The following BSPRY variants were observed in gnomAD, a reference collection of about 807,000 sequenced individuals.
The protein encoded by BSPRY is B-box and SPRY domain containing.
In BSPRY, 33 loss-of-function variants were observed where a neutral mutation model predicts 38.0. The observed-to-expected ratio is 0.87, with a 90% CI of 0.66 to 1.16. The LOEUF (loss-of-function observed/expected upper bound fraction) is 1.16. Ranked by LOEUF, BSPRY falls within the 50% of genes most tolerant of loss-of-function variation. The pLI, the probability that BSPRY is intolerant of heterozygous loss-of-function variation, is 0.00. For missense variants in BSPRY, 523 were observed against 533.2 expected (o/e 0.98, Z 0.19); for synonymous variants, 224 against 228.5 (o/e 0.98, Z 0.18).
rs1278527598 is a variant in BSPRY, at chr9:113,352,365, G to C, written c.202-1875G>C. Reference sequence around the variant, plus strand: ...TAAACAAACACATAATATATAGTCAGAGAGTTATAAGTGCAAGGGAGAAAA... The same window carrying C: ...TAAACAAACACATAATATATAGTCACAGAGTTATAAGTGCAAGGGAGAAAA... On this transcript the variant is annotated intron_variant, in intron 1 of 5. Transcript: ENST00000374183. 2.0e-5 allele frequency among the ~76,000 whole-genome samples: 3 copies of C among 152,202 alleles called. No homozygotes were observed. In the East Asian group the frequency reaches 5.8e-4, roughly 29 times the overall value.
In BSPRY at chr9:113,365,802, C is replaced by CTTTTTT. The variant is rs139762130; in HGVS notation, c.558-2442_558-2437dup. Among the ~76,000 whole-genome samples the CTTTTTT allele has an allele frequency of 4.7e-5, 5 of 106,732 alleles. 1 individual carries two copies. Among genetic ancestry groups the CTTTTTT allele is most frequent in the African/African-American group, 7.3e-5 (2 of 27,276 alleles). 70.0% of individuals were successfully genotyped at this position (106,732 alleles called of 152,430 possible). ...GATGCATGAGTTTGTGTCACAGCTT[C>CTTTTTT]TTTTTTTTTTTTTTTTTTTTGAGAT... On this transcript the variant is annotated intron_variant, in intron 4 of 5. Transcript: ENST00000374183.
chr9:113,367,009 G>C (rs1322345339), intron 4 of BSPRY, among the ~76,000 whole-genome samples: 1 of 152,184 alleles, frequency 6.6e-6, no homozygotes, highest in Admixed American at 6.5e-5. Context: ...CAGCACCTAG[G>C]TCAAAAGGCT....
intron 4 of BSPRY, among the ~76,000 whole-genome samples, chr9:113,364,098 A>T (rs1834204401): frequency 6.6e-6 from 1 of 151,842 alleles, no homozygotes; most frequent in South Asian, 2.1e-4. Context: ...AGGCAAGAGG[A>T]TCACTTGAGC....
chr9:113,351,149 G>T (rs1236861559), intron 1 of BSPRY, among the ~76,000 whole-genome samples: 3 of 152,142 alleles, frequency 2.0e-5, no homozygotes, highest in Non-Finnish European at 4.4e-5. Flanking sequence ...GGATTTGAGT[G>T]GTGGAAAGAG....
At chr9:113,365,250 C>A (rs35656416) in intron 4 of BSPRY, among the ~76,000 whole-genome samples, 14,876 of 152,008 alleles carry the variant, frequency 0.098, 993 homozygotes, top group East Asian at 0.22. Flanking sequence ...GCATATATAT[C>A]CTGTGTCCCT....
intron 2 of BSPRY, among the ~76,000 whole-genome samples, chr9:113,355,259 T>C (rs1834039333): frequency 6.6e-6 from 1 of 152,204 alleles, no homozygotes; most frequent in South Asian, 2.1e-4. Context: ...TTTCTGCATA[T>C]CCCCTCCCTC....
chr9:113,358,566 C>T (rs1301531021), intron 2 of BSPRY, among the ~76,000 whole-genome samples: 5 of 152,138 alleles, frequency 3.3e-5, no homozygotes, highest in African/African-American at 1.2e-4. Context: ...CCGTGTCCAG[C>T]CACAACCACA....
At chr9:113,356,666 T>C (rs1295020817) in intron 2 of BSPRY, among the ~76,000 whole-genome samples, 1 of 152,190 alleles carries the variant, frequency 6.6e-6, no homozygotes, top group East Asian at 1.9e-4. Context: ...GAGAAGTGGC[T>C]AGATTCTGCA....
intron 4 of BSPRY, among the ~76,000 whole-genome samples, chr9:113,368,021 G>A (rs536674241): frequency 1.3e-5 from 2 of 152,134 alleles, no homozygotes; most frequent in Admixed American, 1.3e-4. Flanking sequence ...TGTAGAGATG[G>A]AGTCTTATTA....
chr9:113,357,488 G>T (rs1834078383), intron 2 of BSPRY, among the ~76,000 whole-genome samples: 1 of 152,130 alleles, frequency 6.6e-6, no homozygotes, highest in Non-Finnish European at 1.5e-5. Context: ...ATTAGTCTAT[G>T]AATTTCATTT....
chr9:113,356,637 C>A (rs935647207), intron 2 of BSPRY, among the ~76,000 whole-genome samples: 2 of 152,142 alleles, frequency 1.3e-5, no homozygotes, highest in East Asian at 3.8e-4. Flanking sequence ...TGGACCCAAG[C>A]AATGGTGGCA....
chr9:113,361,166 C>A (rs999185253), intron 3 of BSPRY, among the ~76,000 whole-genome samples: 2 of 152,158 alleles, frequency 1.3e-5, no homozygotes, highest in Admixed American at 6.5e-5. Flanking sequence ...TAACCCCCAA[C>A]CCTGCTCCTT....
At chr9:113,367,852 A>G (rs1316793830) in intron 4 of BSPRY, among the ~76,000 whole-genome samples, 2 of 145,858 alleles carry the variant, frequency 1.4e-5, no homozygotes, top group Non-Finnish European at 3.0e-5. Flanking sequence ...TTTTTTTGAG[A>G]CAGGGTCTCA....
At chr9:113,354,654 T>C (rs66649870) in intron 2 of BSPRY, among the ~76,000 whole-genome samples, 14,796 of 152,266 alleles carry the variant, frequency 0.097, 751 homozygotes, top group Non-Finnish European at 0.11. Context: ...CTAGGACTTT[T>C]ACATTGAATA....
At chr9:113,366,659 A>T (rs900787102) in intron 4 of BSPRY, among the ~76,000 whole-genome samples, 2 of 152,220 alleles carry the variant, frequency 1.3e-5, no homozygotes, top group Non-Finnish European at 2.9e-5. Context: ...CTGGGATGAC[A>T]GCTTAGCACC....
intron 5 of BSPRY, 32 bp downstream of exon 5, chr9:113,368,415 A>G (rs768073742): frequency 6.2e-7 from 1 of 1,604,196 alleles, no homozygotes; most frequent in East Asian, 2.2e-5. Flanking sequence ...GACCATTAGG[A>G]CAACTGGGCT....
chr9:113,368,462 A>G (rs569741012), intron 5 of BSPRY, 79 bp downstream of exon 5: 12 of 1,535,436 alleles, frequency 7.8e-6, no homozygotes, highest in East Asian at 2.3e-5. Context: ...CTGGTTCACA[A>G]TGGGGACCCG....
chr9:113,350,464 C>A (rs1833954565), intron 1 of BSPRY, among the ~76,000 whole-genome samples: 2 of 152,162 alleles, frequency 1.3e-5, no homozygotes, highest in African/African-American at 4.8e-5. Flanking sequence ...TTCACCCAGG[C>A]TTTCTCGCCA....
intron 1 of BSPRY, among the ~76,000 whole-genome samples, chr9:113,353,436 C>G (rs1834002391): frequency 6.6e-6 from 1 of 152,164 alleles, no homozygotes; most frequent in South Asian, 2.1e-4. Flanking sequence ...GGTGCGGTGG[C>G]TCACACCTGT....
Sources: allele counts gnomAD v4.1 joint callset (sites outside exome capture counted in the v4.1 genomes callset), GRCh38; gene constraint gnomAD v4.1.1; transcripts MANE v1.5; gene names NCBI Gene and HGNC (gene_info 2026-07-23, HGNC 2026-07-21).